Variants in DCPS observed in about 807,000 individuals in gnomAD.
The protein encoded by DCPS is decapping enzyme, scavenger.
In DCPS, 27 loss-of-function variants were observed where a neutral mutation model predicts 34.7. That is an observed-to-expected ratio of 0.78 (90% CI 0.57 to 1.07). The LOEUF (loss-of-function observed/expected upper bound fraction) is 1.07, where lower values mean the gene tolerates loss of function less well. Ranked by LOEUF, DCPS falls within the 50% of genes least tolerant of loss-of-function variation. The pLI is 0.00. For synonymous variants in DCPS, 185 were observed against 185.7 expected, an observed-to-expected ratio of 1.00 and a Z score of 0.03; for missense variants, 464 against 436.9, an observed-to-expected ratio of 1.06 and a Z score of -0.55.
At position 126,328,350 on chromosome 11, in the gene DCPS, G is replaced by A. The variant is rs1329881854; in HGVS notation, c.377-3055G>A. ...TCGGTGGAGACCTGAGGGAAGCCAG[G>A]CCCCTTAGGAGTGAGTGCTCTAGGG... On this transcript the variant is annotated intron_variant, in intron 2 of 5. Coordinates refer to ENST00000263579, the MANE Select transcript of DCPS (RefSeq NM_014026.6). The surrounding 1 kb of genome is among the most constrained non-coding windows in gnomAD (Gnocchi z 6.6). Among the ~76,000 whole-genome samples, 1 of 152,100 alleles carries A rather than the reference G, an allele frequency of 6.6e-6. No homozygotes were observed. Among genetic ancestry groups the A allele is most frequent in the Non-Finnish European group, 1.5e-5 (1 of 67,976 alleles).
In DCPS at chr11:126,346,933, CAG is replaced by C. The variant is rs1951936345; in HGVS notation, c.*1322_*1323del. Among the ~76,000 whole-genome samples, 1 of 151,966 alleles carries C rather than the reference CAG, an allele frequency of 6.6e-6. No homozygotes were observed. The highest frequency in any genetic ancestry group is 2.4e-5 in the African/African-American group (1 of 41,382). On this transcript the variant is annotated 3_prime_UTR_variant, in exon 6 of 6. Transcript: ENST00000263579. The surrounding 1 kb of genome is among the most constrained non-coding windows in gnomAD (Gnocchi z 4.1). ...GGTGAAACCCATCTCTACTAAAAAA[CAG>C]AAAAATTAGCCAGGTGTGGTGGTGG...
At position 126,323,676 on chromosome 11, in the gene DCPS, C is replaced by A. The variant is rs1301955206; in HGVS notation, c.377-7729C>A. 1.3e-5 allele frequency among the ~76,000 whole-genome samples: 2 copies of A among 151,984 alleles called. No homozygotes were observed. Among genetic ancestry groups the A allele is most frequent in the African/African-American group, 4.8e-5 (2 of 41,382 alleles). On this transcript the variant is annotated intron_variant, in intron 2 of 5. Coordinates refer to ENST00000263579, the MANE Select transcript of DCPS (RefSeq NM_014026.6). The surrounding 1 kb of genome is among the most constrained non-coding windows in gnomAD (Gnocchi z 4.4). Reference sequence around the variant, plus strand: ...ACCTCAGCCACCAGAGTAGCTGGGACTACAGGCATGTGCTATCACACCCAG... The same window carrying A: ...ACCTCAGCCACCAGAGTAGCTGGGAATACAGGCATGTGCTATCACACCCAG...
chr11:126,326,899 G>C (rs1951744697), intron 2 of DCPS, among the ~76,000 whole-genome samples: 1 of 151,784 alleles, frequency 6.6e-6, no homozygotes, highest in Non-Finnish European at 1.5e-5. Flanking sequence ...CTCCAGCCTG[G>C]GCGACAGAGC....
Position 126,322,052 on chromosome 11 carries a change from A to G in DCPS, c.377-9353A>G, listed in dbSNP as rs1001933009. 3.3e-5 allele frequency among the ~76,000 whole-genome samples: 5 copies of G among 152,198 alleles called. No homozygotes were observed. Among genetic ancestry groups the G allele is most frequent in the African/African-American group, 9.6e-5 (4 of 41,456 alleles). On this transcript the variant is annotated intron_variant, in intron 2 of 5. Coordinates refer to ENST00000263579, the MANE Select transcript of DCPS (RefSeq NM_014026.6). The surrounding 1 kb of genome is among the most constrained non-coding windows in gnomAD (Gnocchi z 4.2). ...ATGAAGAAGAAAGGTCTTTAAAGAA[A>G]TAATTCAAGACAGTTTCCCAGGTCT...
chr11:126,317,497 A>C (rs1951671748), intron 2 of DCPS, among the ~76,000 whole-genome samples: 1 of 150,578 alleles, frequency 6.6e-6, no homozygotes, highest in South Asian at 2.1e-4. Flanking sequence ...AAATTATTTT[A>C]TTTCCTCTGG....
chr11:126,317,754 AC>A (rs1442113268), intron 2 of DCPS, among the ~76,000 whole-genome samples: 3 of 152,128 alleles, frequency 2.0e-5, no homozygotes, highest in Admixed American at 1.3e-4. Context: ...GGTCTGCTCA[AC>A]CCCAGCATAG....
rs963043319 is a variant in DCPS, at chr11:126,335,260, G to A, written c.523-3026G>A. On this transcript the variant is annotated intron_variant, in intron 3 of 5. Transcript: ENST00000263579. The surrounding 1 kb of genome is among the most constrained non-coding windows in gnomAD (Gnocchi z 4.8). ...AGGTCAAGGCGGGAGAGAGGGTACC[G>A]AGGGAGCTGCCAATGTCACCTACTG... 3.3e-5 allele frequency among the ~76,000 whole-genome samples: 5 copies of A among 152,332 alleles called. No individual in the cohort carries two copies. In the East Asian group the frequency reaches 7.7e-4, roughly 24 times the overall value.
intron 2 of DCPS, among the ~76,000 whole-genome samples, chr11:126,309,793 T>A (rs774406837): frequency 6.6e-6 from 1 of 152,192 alleles, no homozygotes; most frequent in Non-Finnish European, 1.5e-5. Flanking sequence ...AAACTTTTTC[T>A]GTCAAAAACC....
intron 2 of DCPS, among the ~76,000 whole-genome samples, chr11:126,321,831 TG>T (rs1297200608): frequency 6.6e-6 from 1 of 152,054 alleles, no homozygotes; most frequent in African/African-American, 2.4e-5. Flanking sequence ...TTAAAGCTCT[TG>T]GAAATTAAAG....
In DCPS at chr11:126,319,508, A is replaced by T. The variant is rs891548104; in HGVS notation, c.377-11897A>T. Among the ~76,000 whole-genome samples the T allele has an allele frequency of 2.0e-5, 3 of 151,132 alleles. No individual in the cohort carries two copies. ...GGCTCTCCAGAGCTCAGGGGAGTGG[A>T]CTCTCCTTCCCTGAGCTCCCCAGGA... On this transcript the variant is annotated intron_variant, in intron 2 of 5. Transcript: ENST00000263579. This position sits in a 1 kb window ranked among gnomAD's most constrained non-coding sequence, Gnocchi z 4.5.
intron 1 of DCPS, 139 bp from the exon 2 acceptor site, chr11:126,306,431 A>T: frequency 1.1e-6 from 1 of 908,036 alleles, no homozygotes; most frequent in African/African-American, 1.7e-5. Flanking sequence ...GCCATTGGCT[A>T]GACTTCCCCA....
chr11:126,313,968 A>T lies in DCPS; in HGVS notation c.376+7224A>T, dbSNP rs974027356. ...CATGAATTTCAAGGGCTGCATCCTC[A>T]TTCTGAAGTGTGGTTTTCAGTCACA... On this transcript the variant is annotated intron_variant, in intron 2 of 5. Coordinates refer to ENST00000263579, the MANE Select transcript of DCPS (RefSeq NM_014026.6). This position sits in a 1 kb window ranked among gnomAD's most constrained non-coding sequence, Gnocchi z 4.9. Among the ~76,000 whole-genome samples, 54 of 152,334 alleles carry T rather than the reference A, an allele frequency of 3.5e-4. No individual in the cohort carries two copies. Among genetic ancestry groups the T allele is most frequent in the African/African-American group, 1.2e-3 (51 of 41,570 alleles).
At position 126,327,021 on chromosome 11, in the gene DCPS, G is replaced by A. The variant is rs905382106; in HGVS notation, c.377-4384G>A. ...CACATATACGTAGAATAATGATAAC[G>A]ATGGATATAAAAAAGGGTAAAATTA... On this transcript the variant is annotated intron_variant, in intron 2 of 5. Transcript: ENST00000263579. This position sits in a 1 kb window ranked among gnomAD's most constrained non-coding sequence, Gnocchi z 4.1. Among the ~76,000 whole-genome samples, 1 of 152,124 alleles carries A rather than the reference G, an allele frequency of 6.6e-6. No homozygotes were observed. The highest frequency in any genetic ancestry group is 2.4e-5 in the African/African-American group (1 of 41,412).
chr11:126,336,115 CAA>C lies in DCPS; in HGVS notation c.523-2153_523-2152del, dbSNP rs34762229. Among the ~76,000 whole-genome samples the C allele has an allele frequency of 6.2e-4, 68 of 109,126 alleles. No homozygotes were observed. The highest frequency in any genetic ancestry group is 1.5e-3 in the African/African-American group (42 of 28,130). 71.6% of individuals were successfully genotyped at this position (109,126 alleles called of 152,430 possible). A position where few individuals can be genotyped will look rare whatever the true frequency, so the allele number is the denominator to read the frequency against. On this transcript the variant is annotated intron_variant, in intron 3 of 5. Transcript: ENST00000263579. This position sits in a 1 kb window ranked among gnomAD's most constrained non-coding sequence, Gnocchi z 6.3. ...TGGGCGAAAGAGCAAGACTCCATCTCAAAAAAAAAAAAAAAAAAATGGCGACA... is the reference window on the plus strand; with the variant it reads ...TGGGCGAAAGAGCAAGACTCCATCTCAAAAAAAAAAAAAAAAATGGCGACA...
rs1951934332 is a variant in DCPS at position 126,346,809 on chromosome 11, T to C, written c.*1196T>C. On this transcript the variant is annotated 3_prime_UTR_variant, in exon 6 of 6. Coordinates refer to ENST00000263579, the MANE Select transcript of DCPS (RefSeq NM_014026.6). The surrounding 1 kb of genome is among the most constrained non-coding windows in gnomAD (Gnocchi z 4.1). ...AGATTAGCCCCTTTACTGCAGGTGG[T>C]AGCCCAGGTGCAGCCAACCTGCTTC... Among the ~76,000 whole-genome samples the C allele has an allele frequency of 1.3e-5, 2 of 152,176 alleles. 1 individual carries two copies. The highest frequency in any genetic ancestry group is 4.1e-4 in the South Asian group (2 of 4,828).
chr11:126,314,970 C>A lies in DCPS; in HGVS notation c.376+8226C>A, dbSNP rs1951647028. On this transcript the variant is annotated intron_variant, in intron 2 of 5. Transcript: ENST00000263579. ...AAGTTCCTACCTGTTCCCCAAAAAC[C>A]TATTGAAATAAAAAAATAAAAAAAT... Among the ~76,000 whole-genome samples the A allele has an allele frequency of 5.3e-5, 8 of 152,058 alleles. No homozygotes were observed. The South Asian group carries it at 1.7e-3, about 32-fold the overall frequency.
At position 126,326,955 on chromosome 11, in the gene DCPS, C is replaced by T. The variant is rs1951745728; in HGVS notation, c.377-4450C>T. ...AAAAACAAAAAACAAAATAAAAGGACTTCACCTGTTAACATTTGCCACATT... is the reference window on the plus strand; with the variant it reads ...AAAAACAAAAAACAAAATAAAAGGATTTCACCTGTTAACATTTGCCACATT... On this transcript the variant is annotated intron_variant, in intron 2 of 5. Coordinates refer to ENST00000263579, the MANE Select transcript of DCPS (RefSeq NM_014026.6). Among the ~76,000 whole-genome samples the T allele has an allele frequency of 2.0e-5, 3 of 151,942 alleles. No individual in the cohort carries two copies. The South Asian group carries it at 6.2e-4, about 31-fold the overall frequency.
In DCPS at chr11:126,344,206, G is replaced by A. The variant is rs555799053; in HGVS notation, c.747+789G>A. ...GCCCCTTTTTGACCAGTGATGCTTC[G>A]AGGTGTTAATGCAGACCTGGAGGCA... is the stretch of plus-strand genomic sequence containing the variant. On this transcript the variant is annotated intron_variant, in intron 5 of 5. Transcript: ENST00000263579. This position sits in a 1 kb window ranked among gnomAD's most constrained non-coding sequence, Gnocchi z 8.1. 1.3e-5 allele frequency among the ~76,000 whole-genome samples: 2 copies of A among 152,140 alleles called. No homozygotes were observed. Among genetic ancestry groups the A allele is most frequent in the Non-Finnish European group, 2.9e-5 (2 of 68,018 alleles).
In DCPS at chr11:126,344,953, T is replaced by A. The variant is rs995964008; in HGVS notation, c.748-394T>A. On this transcript the variant is annotated intron_variant, in intron 5 of 5. Coordinates refer to ENST00000263579, the MANE Select transcript of DCPS (RefSeq NM_014026.6). The surrounding 1 kb of genome is among the most constrained non-coding windows in gnomAD (Gnocchi z 8.1). The stretch of plus-strand genomic sequence containing the variant: ...ATGAGGCTTCCTCCCATCCACTTCA[T>A]GACTGATGAAATGCTTCTAAATCAT... Among the ~76,000 whole-genome samples, 1 of 152,206 alleles carries A rather than the reference T, an allele frequency of 6.6e-6. No individual in the cohort carries two copies. The highest frequency in any genetic ancestry group is 1.5e-5 in the Non-Finnish European group (1 of 68,034).
Sources: allele counts gnomAD v4.1 joint callset (sites outside exome capture counted in the v4.1 genomes callset), GRCh38; gene constraint gnomAD v4.1.1; non-coding constraint Gnocchi (gnomAD v3.1); transcripts MANE v1.5; gene names NCBI Gene and HGNC (gene_info 2026-07-23, HGNC 2026-07-21).